TRIML2: variants seen among roughly 807,000 people sequenced by gnomAD.
TRIML2 encodes the protein probable E3 ubiquitin-protein ligase TRIML2.
A neutral mutation model predicts 31.2 loss-of-function variants in TRIML2; 28 were observed. The observed-to-expected ratio is 0.90, with a 90% CI of 0.66 to 1.23. TRIML2 has a LOEUF of 1.23. Among genes scored for constraint, TRIML2 ranks in the 50% most tolerant of loss-of-function variants. TRIML2 has a pLI of 0.00. For missense variants in TRIML2, 536 were observed against 528.3 expected (o/e 1.01, Z -0.14); for synonymous variants, 187 against 197.5 (o/e 0.95, Z 0.45).
intron 5 of TRIML2, chr4:188,098,386 C>A: frequency 3.4e-6 from 1 of 295,906 alleles, no homozygotes; most frequent in Non-Finnish European, 6.8e-6. Flanking sequence ...TTTATAAGAG[C>A]CCTAATCCCA....
At chr4:188,101,650 C>G (rs1181592309) in intron 3 of TRIML2, among the ~76,000 whole-genome samples, 2 of 151,686 alleles carry the variant, frequency 1.3e-5, no homozygotes, top group Non-Finnish European at 2.9e-5. Context: ...GCAGAGATTA[C>G]GCCACTGCAC....
rs543275363 is a variant in TRIML2 at position 188,092,005 on chromosome 4, T to A, written c.746-64A>T. Reference sequence around the variant, plus strand: ...CCAATGCCAATGCCAGAGACATGATTTCTAACACACCTGGGCTTCCCACTG... The same window carrying A: ...CCAATGCCAATGCCAGAGACATGATATCTAACACACCTGGGCTTCCCACTG... On this transcript the variant is annotated intron_variant, in intron 7 of 7. Coordinates refer to ENST00000682553, the MANE Select transcript of TRIML2 (RefSeq NM_173553.4). 5.0e-4 allele frequency: 757 copies of A among 1,512,316 alleles called. 7 individuals are homozygous for A. The South Asian group carries it at 8.9e-3, about 18-fold the overall frequency. The allele number at this position is 1,512,316 out of a possible 1,614,324, so 93.7% of individuals were successfully genotyped here. A position where few individuals can be genotyped will look rare whatever the true frequency, so the allele number is the denominator to read the frequency against.
intron 7 of TRIML2, among the ~76,000 whole-genome samples, chr4:188,095,137 T>G: frequency 6.6e-6 from 1 of 152,286 alleles, no homozygotes; most frequent in Admixed American, 6.5e-5. Context: ...TGTATACAGA[T>G]ATTAACTCTC....
intron 5 of TRIML2, chr4:188,098,129 A>G: frequency 6.7e-6 from 2 of 298,924 alleles, no homozygotes; most frequent in Non-Finnish European, 1.4e-5. Flanking sequence ...CGGGGAAAAA[A>G]AAAAAAAAAA....
At chr4:188,098,123 GA>G (rs527418962) in intron 5 of TRIML2, 16,443 of 208,238 alleles carry the variant, frequency 0.079, 1 homozygote, top group South Asian at 0.15. Context: ...CCGTCTCGGG[GA>G]AAAAAAAAAA....
At chr4:188,100,265 G>T (rs1733715378) in intron 4 of TRIML2, among the ~76,000 whole-genome samples, 1 of 152,176 alleles carries the variant, frequency 6.6e-6, no homozygotes, top group Non-Finnish European at 1.5e-5. Flanking sequence ...AGCTTTAGCA[G>T]ATTATCTCAC....
intron 4 of TRIML2, among the ~76,000 whole-genome samples, chr4:188,100,483 G>A (rs930882472): frequency 6.6e-6 from 1 of 152,162 alleles, no homozygotes; most frequent in African/African-American, 2.4e-5. Flanking sequence ...AGCACTTTGG[G>A]AGGCTGAGGC....
chr4:188,105,651 C>T (rs530761531), intron 1 of TRIML2, 61 bp from the exon 2 acceptor site: 15 of 321,382 alleles, frequency 4.7e-5, no homozygotes, highest in South Asian at 1.1e-4. Flanking sequence ...CTCAGGTCTT[C>T]TGACAATCTT....
chr4:188,092,280 T>C (rs1733299490), intron 7 of TRIML2, among the ~76,000 whole-genome samples: 2 of 151,832 alleles, frequency 1.3e-5, no homozygotes, highest in Non-Finnish European at 2.9e-5. Flanking sequence ...GTCAAGATGG[T>C]GAAACCCCAT....
At position 188,097,305 on chromosome 4, in the gene TRIML2, A is replaced by C; in HGVS notation, c.644+19T>G. 1 of 1,613,528 alleles carries C rather than the reference A, an allele frequency of 6.2e-7. No homozygotes were observed. The highest frequency in any genetic ancestry group is 8.5e-7 in the Non-Finnish European group (1 of 1,179,556). On this transcript the variant is annotated intron_variant, in intron 6 of 7. Transcript: ENST00000682553. ...TGGACTCTGATTCTCACCCAATTGT[A>C]TCCAAAATGAAAACTCACCTTTCTA...
chr4:188,099,904 T>C (rs528269768), intron 4 of TRIML2, among the ~76,000 whole-genome samples: 4 of 152,090 alleles, frequency 2.6e-5, no homozygotes, highest in African/African-American at 9.6e-5. Context: ...GTTACTGATA[T>C]CAATTTTCTT....
At chr4:188,094,509 G>A (rs988045881) in intron 7 of TRIML2, among the ~76,000 whole-genome samples, 8 of 152,150 alleles carry the variant, frequency 5.3e-5, no homozygotes, top group Non-Finnish European at 1.0e-4. Context: ...ATGTCAATTA[G>A]AAATTGATAT....
At chr4:188,092,355 A>C (rs1418687764) in intron 7 of TRIML2, among the ~76,000 whole-genome samples, 4 of 152,032 alleles carry the variant, frequency 2.6e-5, no homozygotes, top group East Asian at 3.9e-4. Flanking sequence ...CCAGCTACTC[A>C]TGAGGCTGAG....
intron 5 of TRIML2, among the ~76,000 whole-genome samples, chr4:188,097,976 G>T (rs1733593025): frequency 1.3e-5 from 2 of 152,028 alleles, no homozygotes; most frequent in Admixed American, 6.6e-5. Flanking sequence ...ACAAAAATTA[G>T]CTGGACATGG....
intron 1 of TRIML2, among the ~76,000 whole-genome samples, chr4:188,107,452 A>T (rs1003866975): frequency 6.6e-6 from 1 of 152,240 alleles, no homozygotes; most frequent in African/African-American, 2.4e-5. Context: ...GATTCCAAAA[A>T]GTTGAGAATC....
At chr4:188,096,699 C>T (rs983805464) in intron 7 of TRIML2, among the ~76,000 whole-genome samples, 2 of 151,578 alleles carry the variant, frequency 1.3e-5, no homozygotes, top group Non-Finnish European at 1.5e-5. Context: ...TTCTGTTGCC[C>T]AGGCTGGGGT....
rs1416094236 is a variant in TRIML2 at position 188,109,341 on chromosome 4, A to G, written c.-321T>C. On this transcript the variant is annotated 5_prime_UTR_variant, in exon 1 of 8. Transcript: ENST00000682553. ...ACCCAGGCTGGAATGCAGTGGCGCAATCTCGGCTCACTACAGCCTCGAGCT... is the reference window on the plus strand; with the variant it reads ...ACCCAGGCTGGAATGCAGTGGCGCAGTCTCGGCTCACTACAGCCTCGAGCT... 7.4e-6 allele frequency: 1 copy of G among 135,276 alleles called. No individual in the cohort carries two copies. Among genetic ancestry groups the G allele is most frequent in the Non-Finnish European group, 1.5e-5 (1 of 65,406 alleles). The allele number at this position is 135,276 out of a possible 1,614,324, so 8.4% of individuals were successfully genotyped here.
At chr4:188,104,731 T>C (rs1733951310) in intron 3 of TRIML2, 106 bp downstream of exon 3, 2 of 971,446 alleles carry the variant, frequency 2.1e-6, no homozygotes, top group Non-Finnish European at 3.2e-6. Context: ...AGATTTCACA[T>C]TTTTCCTGCT....
intron 1 of TRIML2, chr4:188,106,787 GA>G: frequency 4.3e-6 from 1 of 230,018 alleles, no homozygotes; most frequent in Non-Finnish European, 9.2e-6. Context: ...CCCGCGCTGG[GA>G]AAGTGACAGG....
Sources: gnomAD v4.1 joint callset for allele counts (sites outside exome capture counted in the v4.1 genomes callset) on GRCh38, gnomAD v4.1.1 for gene constraint, MANE v1.5 for transcripts, NCBI Gene and HGNC (gene_info 2026-07-23, HGNC 2026-07-21) for gene names.